BACH2: variants seen among roughly 807,000 people sequenced by gnomAD.
BACH2 encodes the protein BACH transcriptional regulator 2.
Under a neutral mutation model 61.8 loss-of-function variants are expected in BACH2, and 5 were observed. The observed-to-expected ratio is 0.08, with a 90% CI of 0.04 to 0.17. The LOEUF is 0.17. Among genes scored for constraint, BACH2 ranks in the 10% least tolerant of loss-of-function variants. BACH2 has a pLI of 1.00. For missense variants in BACH2, 824 were observed against 1,091.1 expected (o/e 0.76, Z 3.45); for synonymous variants, 446 against 440.1 (o/e 1.01, Z -0.17).
At chr6:90,266,203 G>T (rs1351800422) in intron 2 of BACH2, among the ~76,000 whole-genome samples, 1 of 152,114 alleles carries the variant, frequency 6.6e-6, no homozygotes, top group Non-Finnish European at 1.5e-5. Flanking sequence ...CCTGAGGGTG[G>T]GATGTAAATT....
At chr6:90,262,908 A>C (rs1252226793) in intron 2 of BACH2, among the ~76,000 whole-genome samples, 1 of 152,230 alleles carries the variant, frequency 6.6e-6, no homozygotes, top group Non-Finnish European at 1.5e-5. Context: ...AGCTGATCTA[A>C]GGAAAAGCAT....
intron 1 of BACH2, among the ~76,000 whole-genome samples, chr6:90,295,812 T>A (rs1582577851): frequency 6.6e-6 from 1 of 152,100 alleles, no homozygotes; most frequent in Admixed American, 6.5e-5. Context: ...TAGGAGAGAT[T>A]CGATCCAGGT....
At chr6:89,984,205 T>C (rs75479292) in intron 6 of BACH2, among the ~76,000 whole-genome samples, 1 of 152,034 alleles carries the variant, frequency 6.6e-6, no homozygotes, top group East Asian at 1.9e-4. Context: ...ACATCCATTC[T>C]GTAGGAGAAT....
intron 4 of BACH2, among the ~76,000 whole-genome samples, chr6:90,103,029 A>ATATATTTT: frequency 4.7e-5 from 1 of 21,162 alleles, no homozygotes; most frequent in African/African-American, 2.4e-4. Context: ...ATATATATAT[A>ATATATTTT]TTTTTTTTTT....
At position 90,284,952 on chromosome 6, in the gene BACH2, G is replaced by A. The variant is rs181401012; in HGVS notation, c.-446+11528C>T. Among the ~76,000 whole-genome samples the A allele has an allele frequency of 2.1e-3, 316 of 152,262 alleles. 1 individual carries two copies. Among genetic ancestry groups the A allele is most frequent in the African/African-American group, 7.3e-3 (302 of 41,546 alleles). ...TTTATTACTGGTCAAAGCTGCTTCA[G>A]AATGCTTATTGAAACTTAAGAAAAA... is the stretch of plus-strand genomic sequence containing the variant. On this transcript the variant is annotated intron_variant, in intron 1 of 8. Transcript: ENST00000257749.
intron 6 of BACH2, among the ~76,000 whole-genome samples, chr6:89,973,194 G>C (rs534294381): frequency 1.6e-4 from 25 of 152,272 alleles, no homozygotes; most frequent in Non-Finnish European, 3.4e-4. Context: ...TTGAGCCCAA[G>C]AGTTCAGGAC....
intron 4 of BACH2, among the ~76,000 whole-genome samples, chr6:90,191,862 G>A (rs558068038): frequency 1.1e-3 from 175 of 152,220 alleles, no homozygotes; most frequent in African/African-American, 3.9e-3. Flanking sequence ...TCTAAAATCT[G>A]AATTCATAAT....
chr6:90,096,962 T>G lies in BACH2; in HGVS notation c.-161-7853A>C, dbSNP rs572843946. On this transcript the variant is annotated intron_variant, in intron 4 of 8. Transcript: ENST00000257749. ...GATAATCTGGGGCCACGGCCTTGGG[T>G]TCCATCACACCCATAACCATGTGGC... is the stretch of plus-strand genomic sequence containing the variant. 2.0e-5 allele frequency among the ~76,000 whole-genome samples: 3 copies of G among 152,302 alleles called. No individual in the cohort carries two copies. The East Asian group carries it at 5.8e-4, about 29-fold the overall frequency.
At position 89,931,571 on chromosome 6, in the gene BACH2, A is replaced by C. The variant is rs1372594115; in HGVS notation, c.*837T>G. On this transcript the variant is annotated 3_prime_UTR_variant, in exon 9 of 9. Coordinates refer to ENST00000257749, the MANE Select transcript of BACH2 (RefSeq NM_021813.4). The stretch of plus-strand genomic sequence containing the variant: ...AGTGCAAGTGGCAAAGTTGACCATT[A>C]CTGTACAGTATCTGCAAGGAAAACA... The C allele has an allele frequency of 9.2e-5, 14 of 152,680 alleles. No homozygotes were observed. Among genetic ancestry groups the C allele is most frequent in the Non-Finnish European group, 1.9e-4 (13 of 68,056 alleles). 9.5% of individuals were successfully genotyped at this position (152,680 alleles called of 1,614,324 possible).
intron 3 of BACH2, among the ~76,000 whole-genome samples, chr6:90,233,334 C>T (rs938372519): frequency 6.6e-6 from 1 of 152,198 alleles, no homozygotes; most frequent in Non-Finnish European, 1.5e-5. Flanking sequence ...GGCAGATGTA[C>T]ACCAAAGCCT....
intron 3 of BACH2, among the ~76,000 whole-genome samples, chr6:90,218,819 A>G (rs1390849634): frequency 6.6e-6 from 1 of 152,124 alleles, no homozygotes; most frequent in Admixed American, 6.5e-5. Context: ...CTTCAAATGC[A>G]GGGCCTCTGA....
chr6:90,271,455 A>C (rs907835616), intron 2 of BACH2, among the ~76,000 whole-genome samples: 6 of 151,924 alleles, frequency 3.9e-5, no homozygotes, highest in African/African-American at 1.2e-4. Context: ...CAGAGCTTGG[A>C]GATTCATTCA....
intron 5 of BACH2, among the ~76,000 whole-genome samples, chr6:90,072,131 C>T (rs1781259571): frequency 6.6e-6 from 1 of 152,184 alleles, no homozygotes; most frequent in African/African-American, 2.4e-5. Flanking sequence ...GTTAATTGTA[C>T]TATGTTCTCC....
At chr6:90,200,615 T>G (rs1317083158) in intron 4 of BACH2, among the ~76,000 whole-genome samples, 1 of 152,228 alleles carries the variant, frequency 6.6e-6, no homozygotes, top group Non-Finnish European at 1.5e-5. Flanking sequence ...AGTACTTATT[T>G]TTTAAATGTT....
chr6:90,246,262 T>C (rs954138379), intron 3 of BACH2, among the ~76,000 whole-genome samples: 1 of 152,246 alleles, frequency 6.6e-6, no homozygotes, highest in African/African-American at 2.4e-5. Flanking sequence ...CAGAGTTGAT[T>C]ACTGTACTTT....
rs528646070 is a variant in BACH2, at chr6:90,056,068, C to G, written c.-13+32893G>C. On this transcript the variant is annotated intron_variant, in intron 5 of 8. Coordinates refer to ENST00000257749, the MANE Select transcript of BACH2 (RefSeq NM_021813.4). Reference sequence around the variant, plus strand: ...CTAGGAAGAAACTGCATCAACTAACCAGCAAAAGAACCAGCTAACATCATA... The same window carrying G: ...CTAGGAAGAAACTGCATCAACTAACGAGCAAAAGAACCAGCTAACATCATA... Among the ~76,000 whole-genome samples the G allele has an allele frequency of 5.4e-3, 822 of 152,118 alleles. 7 individuals are homozygous for G. The highest frequency in any genetic ancestry group is 0.019 in the African/African-American group (782 of 41,478).
intron 6 of BACH2, among the ~76,000 whole-genome samples, chr6:89,992,004 T>C (rs1776601396): frequency 6.6e-6 from 1 of 152,208 alleles, no homozygotes; most frequent in African/African-American, 2.4e-5. Context: ...TCATCTTTGT[T>C]GATTAGATTT....
At position 90,272,849 on chromosome 6, in the gene BACH2, A is replaced by T. The variant is rs145095648; in HGVS notation, c.-445-908T>A. On this transcript the variant is annotated intron_variant, in intron 1 of 8. Coordinates refer to ENST00000257749, the MANE Select transcript of BACH2 (RefSeq NM_021813.4). ...TAAAATTGGCCAGCGTGCTGCTGCC[A>T]TTTTGATCTTTCTATCACTACCCCT... 3.4e-3 allele frequency among the ~76,000 whole-genome samples: 512 copies of T among 152,198 alleles called. 2 individuals are homozygous for T. The highest frequency in any genetic ancestry group is 0.012 in the African/African-American group (491 of 41,528).
Position 89,951,649 on chromosome 6 carries a change from G to A in BACH2, c.457C>T (p.His153Tyr). The change falls in exon 7 of 9, where the codon CAC becomes TAC. Residue 153 changes from histidine to tyrosine, a missense_variant. His to Tyr is a moderately conservative substitution (Grantham distance 83, BLOSUM62 2). This residue lies in a region of BACH2 where 107 missense variants were observed against 121.7 expected (regional missense o/e 0.88). Coordinates refer to ENST00000257749, the MANE Select transcript of BACH2 (RefSeq NM_021813.4). The surrounding 1 kb of genome is among the most constrained non-coding windows in gnomAD (Gnocchi z 6.4). ...CRKDAACQRPHEDCENSAGEE... is the reference protein window; with the variant it reads ...CRKDAACQRPYEDCENSAGEE... ...CCTGCAGAGTTCTCGCAGTCCTCGTGTGGGCGCTGGCACGCAGCATCCTTC... is the reference window on the plus strand; with the variant it reads ...CCTGCAGAGTTCTCGCAGTCCTCGTATGGGCGCTGGCACGCAGCATCCTTC... 6.2e-7 allele frequency: 1 copy of A among 1,614,228 alleles called. No homozygotes were observed. The highest frequency in any genetic ancestry group is 8.5e-7 in the Non-Finnish European group (1 of 1,180,052).
Sources: gnomAD v4.1 joint callset for allele counts (sites outside exome capture counted in the v4.1 genomes callset) on GRCh38, gnomAD v4.1.1 for gene constraint, gnomAD v4.1.1 regional missense constraint, Gnocchi (gnomAD v3.1) non-coding constraint, MANE v1.5 for transcripts, NCBI Gene and HGNC (gene_info 2026-07-23, HGNC 2026-07-21) for gene names.